Variants in ABCC8 observed in about 807,000 individuals in gnomAD.
The protein encoded by ABCC8 is ATP binding cassette subfamily C member 8.
A neutral mutation model predicts 188.0 loss-of-function variants in ABCC8; 137 were observed. The ratio of observed to expected loss-of-function variants is 0.73; its 90% CI spans 0.63 to 0.84. ABCC8 has a LOEUF of 0.84. Ranked by LOEUF, ABCC8 falls within the 40% of genes least tolerant of loss-of-function variation. ABCC8 has a pLI of 0.00. For missense variants in ABCC8, 1,750 were observed against 2,072.7 expected (o/e 0.84, Z 3.02); for synonymous variants, 797 against 846.5 (o/e 0.94, Z 1.01).
chr11:17,408,502 C>A lies in ABCC8; in HGVS notation c.2710G>T (p.Asp904Tyr). ...PHADWIIAMK[D>Y]GTIQREGTLK... Reference sequence around the variant, plus strand: ...GTACCCTCCCTCTGGATGGTGCCATCCTTCATGGCAATGATCTGGAAAGGC... The same window carrying A: ...GTACCCTCCCTCTGGATGGTGCCATACTTCATGGCAATGATCTGGAAAGGC... Residue 904 changes from aspartate (D) to tyrosine (Y), a missense_variant, in exon 23 of 39, where the codon GAT (aspartate) becomes TAT (tyrosine). Coordinates refer to ENST00000389817, the MANE Select transcript of ABCC8 (RefSeq NM_000352.6). The A allele has an allele frequency of 6.2e-7, 1 of 1,612,226 alleles. No homozygotes were observed. Among genetic ancestry groups the A allele is most frequent in the Non-Finnish European group, 8.5e-7 (1 of 1,179,736 alleles).
intron 38 of ABCC8, 111 bp downstream of exon 38, chr11:17,393,582 GTTCT>G: frequency 1.3e-6 from 2 of 1,515,020 alleles, no homozygotes; most frequent in Non-Finnish European, 1.8e-6. Context: ...CTGCTTCAGG[GTTCT>G]TTCTTGATTA....
Position 17,392,960 on chromosome 11 carries a change from G to C in ABCC8, c.*31C>G. On this transcript the variant is annotated 3_prime_UTR_variant, in exon 39 of 39. Transcript: ENST00000389817. ...CCAGGCAGGGGTATGGGCAGGGTCC[G>C]AATGTGGGATGGCACTTGGGCTCTG... 1 of 1,611,488 alleles carries C rather than the reference G, an allele frequency of 6.2e-7. No individual in the cohort carries two copies. The highest frequency in any genetic ancestry group is 8.5e-7 in the Non-Finnish European group (1 of 1,178,038).
At chr11:17,462,820 T>C (rs56393905) in intron 4 of ABCC8, among the ~76,000 whole-genome samples, 4,597 of 152,318 alleles carry the variant, frequency 0.03, 91 homozygotes, top group South Asian at 0.076. Flanking sequence ...GATCCCATTC[T>C]TACAAGATAA....
At chr11:17,420,642 A>G (rs1195179690) in intron 16 of ABCC8, among the ~76,000 whole-genome samples, 2 of 152,154 alleles carry the variant, frequency 1.3e-5, no homozygotes, top group Non-Finnish European at 2.9e-5. Flanking sequence ...ACCACAGGCA[A>G]CAGCATTGCA....
chr11:17,452,856 G>A (rs1956864018), intron 7 of ABCC8, among the ~76,000 whole-genome samples: 1 of 152,118 alleles, frequency 6.6e-6, no homozygotes, highest in Non-Finnish European at 1.5e-5. Flanking sequence ...TCAAGCCAAG[G>A]GCTGAGCAGC....
chr11:17,415,314 A>T lies in ABCC8; in HGVS notation c.2281T>A (p.Leu761Met), dbSNP rs760684989. Residue 761 changes from leucine to methionine, a missense_variant, in exon 18 of 39, where the codon TTG becomes ATG. Physicochemically the swap from Leu to Met is conservative, Grantham distance 15. Transcript: ENST00000389817. ...PSPERETATD[L>M]DIRKRGPVAY... is the part of the protein sequence containing the mutation. ...CCCAGGACGCAGTACCTGATATCCAAGTCGGTCGCTGTCTCCCGCTCTGGG... is the reference window on the plus strand; with the variant it reads ...CCCAGGACGCAGTACCTGATATCCATGTCGGTCGCTGTCTCCCGCTCTGGG... 6.2e-7 allele frequency: 1 copy of T among 1,610,332 alleles called. No individual in the cohort carries two copies. The highest frequency in any genetic ancestry group is 1.7e-5 in the Admixed American group (1 of 59,508).
At chr11:17,433,358 C>T (rs1473246305) in intron 10 of ABCC8, among the ~76,000 whole-genome samples, 2 of 152,252 alleles carry the variant, frequency 1.3e-5, no homozygotes, top group Non-Finnish European at 2.9e-5. Context: ...GAGGCCAGGG[C>T]TCTGCCTGTG....
intron 16 of ABCC8, among the ~76,000 whole-genome samples, chr11:17,423,399 C>T (rs1053640759): frequency 6.9e-6 from 1 of 144,062 alleles, no homozygotes; most frequent in African/African-American, 2.6e-5. Context: ...ACGTCTTAGT[C>T]ACCTTTGCAC....
At chr11:17,401,996 A>T (rs1206638780) in intron 29 of ABCC8, among the ~76,000 whole-genome samples, 1 of 152,180 alleles carries the variant, frequency 6.6e-6, no homozygotes, top group African/African-American at 2.4e-5. Context: ...CTTTTTTCAG[A>T]ATACTTGTCA....
At chr11:17,461,510 C>A (rs546693418) in intron 5 of ABCC8, 73 bp downstream of exon 5, 2 of 1,589,098 alleles carry the variant, frequency 1.3e-6, no homozygotes, top group Non-Finnish European at 1.7e-6. Context: ...TGACCTAATG[C>A]CCTTTGAGGT....
At chr11:17,428,473 TG>T in intron 13 of ABCC8, 68 bp from the exon 14 acceptor site, 3 of 1,601,624 alleles carry the variant, frequency 1.9e-6, no homozygotes, top group Non-Finnish European at 2.6e-6. Context: ...CCCCTCTTCC[TG>T]GGAAAAAAGG....
intron 10 of ABCC8, among the ~76,000 whole-genome samples, chr11:17,433,952 A>G (rs937277576): frequency 6.6e-6 from 1 of 152,196 alleles, no homozygotes; most frequent in African/African-American, 2.4e-5. Flanking sequence ...GGCAGGAAAC[A>G]GCGTAAGTAT....
chr11:17,428,722 G>A (rs1955712829), intron 12 of ABCC8, 52 bp from the exon 13 acceptor site: 1 of 1,604,140 alleles, frequency 6.2e-7, no homozygotes, highest in Non-Finnish European at 8.5e-7. Context: ...GCAGAGGGGA[G>A]GGGAGAGGGC....
At chr11:17,436,599 G>C (rs1479607658) in intron 10 of ABCC8, among the ~76,000 whole-genome samples, 3 of 152,332 alleles carry the variant, frequency 2.0e-5, no homozygotes, top group East Asian at 3.9e-4. Flanking sequence ...TGAAAGTTAA[G>C]GAGGAAGAAC....
intron 3 of ABCC8, 127 bp downstream of exon 3, chr11:17,469,974 A>AT: frequency 1.6e-6 from 2 of 1,238,654 alleles, no homozygotes; most frequent in East Asian, 2.5e-5. Context: ...GAAGGCAGGG[A>AT]TTTTTTTCTT....
chr11:17,458,754 G>A (rs1564972227), intron 6 of ABCC8, among the ~76,000 whole-genome samples: 1 of 152,178 alleles, frequency 6.6e-6, no homozygotes, highest in Non-Finnish European at 1.5e-5. Context: ...TCTTGGTTGA[G>A]CAAGAAATCT....
chr11:17,428,611 G>A lies in ABCC8; in HGVS notation c.1877C>T (p.Pro626Leu). 1 of 1,614,076 alleles carries A rather than the reference G, an allele frequency of 6.2e-7. No homozygotes were observed. Among genetic ancestry groups the A allele is most frequent in the Non-Finnish European group, 8.5e-7 (1 of 1,180,034 alleles). The change falls in exon 13 of 39, where the codon CCC (proline) becomes CTC (leucine). Residue 626 changes from proline to leucine, a missense_variant. Pro to Leu is a moderately conservative substitution (Grantham distance 98). Transcript: ENST00000389817. Reference protein sequence around the residue: ...SAEIREEQCAPHEPTPQGPAS... With the variant: ...SAEIREEQCALHEPTPQGPAS... ...TGGGCCCTGAGGTGTGGGCTCATGG[G>A]GGGCACACTGCTCCTCACGGATCTC...
At chr11:17,466,868 G>A (rs190595686) in intron 3 of ABCC8, among the ~76,000 whole-genome samples, 1 of 152,082 alleles carries the variant, frequency 6.6e-6, no homozygotes, top group Non-Finnish European at 1.5e-5. Context: ...GTTTTGGCAT[G>A]TTGGCCAGGC....
At chr11:17,450,080 A>G (rs1371407892) in intron 7 of ABCC8, among the ~76,000 whole-genome samples, 1 of 152,242 alleles carries the variant, frequency 6.6e-6, no homozygotes, top group Non-Finnish European at 1.5e-5. Context: ...ACAGCTAGTA[A>G]TTATGTATAA....
Sources: allele counts gnomAD v4.1 joint callset (sites outside exome capture counted in the v4.1 genomes callset), GRCh38; gene constraint gnomAD v4.1.1; transcripts MANE v1.5; gene names NCBI Gene and HGNC (gene_info 2026-07-23, HGNC 2026-07-21).